EFCAB6: variants seen among roughly 807,000 people sequenced by gnomAD.
EFCAB6 encodes EF-hand calcium binding domain 6.
A neutral mutation model predicts 169.8 loss-of-function variants in EFCAB6; 156 were observed. That is an observed-to-expected ratio of 0.92 (90% confidence interval 0.81 to 1.05). The LOEUF (loss-of-function observed/expected upper bound fraction) is 1.05. Ranked by LOEUF, EFCAB6 falls within the 50% of genes least tolerant of loss-of-function variation. The probability of loss-of-function intolerance (pLI) is 0.00; values close to 1 mark genes in which losing one functional copy is unlikely to be tolerated. For synonymous variants in EFCAB6, 698 were observed against 676.4 expected (o/e 1.03, Z -0.50); for missense variants, 1,800 against 1,829.1 (o/e 0.98, Z 0.29).
chr22:43,745,394 G>A (rs374979117), intron 6 of EFCAB6, among the ~76,000 whole-genome samples: 3 of 152,194 alleles, frequency 2.0e-5, no homozygotes, highest in South Asian at 2.1e-4. Context: ...ACCCGCAGAC[G>A]AACTTAAACC....
intron 2 of EFCAB6, among the ~76,000 whole-genome samples, chr22:43,798,090 G>T (rs1166294458): frequency 6.6e-6 from 1 of 152,102 alleles, no homozygotes; most frequent in Non-Finnish European, 1.5e-5. Flanking sequence ...TGGGGCCTAA[G>T]AATTTGCATT....
intron 21 of EFCAB6, among the ~76,000 whole-genome samples, chr22:43,614,910 C>T (rs939500585): frequency 2.4e-4 from 37 of 152,178 alleles, no homozygotes; most frequent in African/African-American, 7.7e-4. Context: ...GTCCACAGCA[C>T]AGACAGTCCA....
intron 23 of EFCAB6, among the ~76,000 whole-genome samples, chr22:43,590,742 CAAAA>C (rs553431883): frequency 1.0e-4 from 8 of 80,052 alleles, no homozygotes; most frequent in Admixed American, 1.3e-4. Context: ...GTTTGAAGGC[CAAAA>C]AAAAAAAAAA....
intron 10 of EFCAB6, among the ~76,000 whole-genome samples, chr22:43,710,081 C>T (rs1349791411): frequency 1.3e-5 from 2 of 152,214 alleles, no homozygotes; most frequent in Non-Finnish European, 2.9e-5. Context: ...TTAGCTTCTA[C>T]TCTATTTCCC....
At chr22:43,647,216 AAC>A (rs945861072) in intron 17 of EFCAB6, among the ~76,000 whole-genome samples, 1 of 151,996 alleles carries the variant, frequency 6.6e-6, no homozygotes, top group African/African-American at 2.4e-5. Context: ...ATGAAGGAAT[AAC>A]ACCTATTAAC....
At position 43,530,896 on chromosome 22, in the gene EFCAB6, G is replaced by C; in HGVS notation, c.4302C>G (p.His1434Gln). ...ALLRIQPKIV[H>Q]CWRPMRRTFK... ...ACGTGCGCCGCATTGGCCTCCAGCA[G>C]TGCACAATTTTGGGCTGAATACGCA... is the stretch of plus-strand genomic sequence containing the variant. Residue 1434 changes from histidine (H) to glutamine (Q), a missense_variant, in exon 31 of 32, where the codon CAC becomes CAG. Coordinates refer to ENST00000262726, the MANE Select transcript of EFCAB6 (RefSeq NM_022785.4). 1 of 1,614,248 alleles carries C rather than the reference G, an allele frequency of 6.2e-7. No individual in the cohort carries two copies. The highest frequency in any genetic ancestry group is 8.5e-7 in the Non-Finnish European group (1 of 1,180,052).
intron 24 of EFCAB6, among the ~76,000 whole-genome samples, chr22:43,581,223 G>A (rs2050702341): frequency 6.6e-6 from 1 of 152,186 alleles, no homozygotes; most frequent in South Asian, 2.1e-4. Flanking sequence ...GGATTTAAAA[G>A]AGAGGAAACA....
chr22:43,631,542 C>T (rs980347686), intron 19 of EFCAB6, among the ~76,000 whole-genome samples: 5 of 152,020 alleles, frequency 3.3e-5, no homozygotes, highest in Non-Finnish European at 7.3e-5. Flanking sequence ...AGTGTGGGGG[C>T]CACCTCCTCC....
At chr22:43,669,473 G>C (rs2057394861) in intron 15 of EFCAB6, among the ~76,000 whole-genome samples, 1 of 152,190 alleles carries the variant, frequency 6.6e-6, no homozygotes, top group Admixed American at 6.5e-5. Flanking sequence ...ACAAAAAAGA[G>C]AATATCTTGT....
chr22:43,620,844 T>C (rs1227221599), intron 20 of EFCAB6, among the ~76,000 whole-genome samples: 1 of 152,078 alleles, frequency 6.6e-6, no homozygotes, highest in African/African-American at 2.4e-5. Context: ...TAATGAAGAA[T>C]ATAGAAGGCC....
intron 27 of EFCAB6, among the ~76,000 whole-genome samples, chr22:43,540,856 G>T (rs1264758114): frequency 6.6e-6 from 1 of 152,118 alleles, no homozygotes; most frequent in Admixed American, 6.5e-5. Flanking sequence ...GGCAAAAAAT[G>T]TCTTCTCACA....
At chr22:43,803,490 G>A (rs948840395) in intron 2 of EFCAB6, among the ~76,000 whole-genome samples, 1 of 152,120 alleles carries the variant, frequency 6.6e-6, no homozygotes, top group African/African-American at 2.4e-5. Flanking sequence ...CTGAAATACC[G>A]TGATTGGTTA....
At chr22:43,534,553 A>T in intron 30 of EFCAB6, 135 bp downstream of exon 30, 1 of 771,718 alleles carries the variant, frequency 1.3e-6, no homozygotes, top group Non-Finnish European at 1.9e-6. Flanking sequence ...CTAAGCTGGG[A>T]GTTTGAGGCT....
At chr22:43,540,654 G>A in intron 27 of EFCAB6, 1 of 983,006 alleles carries the variant, frequency 1.0e-6, no homozygotes, top group Non-Finnish European at 1.4e-6. Flanking sequence ...ATTAGTCACA[G>A]TGCCTGAGCT....
chr22:43,642,813 T>C (rs1380297321), intron 17 of EFCAB6, among the ~76,000 whole-genome samples: 1 of 152,094 alleles, frequency 6.6e-6, no homozygotes, highest in African/African-American at 2.4e-5. Context: ...GGCCGCAGGA[T>C]ATTGGGCTCA....
intron 6 of EFCAB6, among the ~76,000 whole-genome samples, chr22:43,750,246 A>G (rs1323990018): frequency 1.3e-5 from 2 of 152,222 alleles, no homozygotes; most frequent in African/African-American, 4.8e-5. Flanking sequence ...CCTGGGGTAG[A>G]AGTATTCTCA....
chr22:43,762,098 CG>C (rs2061181916), intron 5 of EFCAB6, among the ~76,000 whole-genome samples: 1 of 152,188 alleles, frequency 6.6e-6, no homozygotes. Context: ...GTTCCTTGCC[CG>C]AAACTTTTCA....
chr22:43,651,233 G>C (rs1323829542), intron 17 of EFCAB6, among the ~76,000 whole-genome samples: 1 of 152,236 alleles, frequency 6.6e-6, no homozygotes, highest in Non-Finnish European at 1.5e-5. Context: ...TCCCTGAGCT[G>C]TGTGCAGACT....
At chr22:43,807,788 A>G (rs990985638) in intron 2 of EFCAB6, among the ~76,000 whole-genome samples, 5 of 152,258 alleles carry the variant, frequency 3.3e-5, no homozygotes, top group Non-Finnish European at 1.5e-5. Flanking sequence ...GTCTATACTG[A>G]TATCAAATGG....
Sources: gnomAD v4.1 joint callset for allele counts (sites outside exome capture counted in the v4.1 genomes callset) on GRCh38, gnomAD v4.1.1 for gene constraint, MANE v1.5 for transcripts, NCBI Gene and HGNC (gene_info 2026-07-23, HGNC 2026-07-21) for gene names.